CNTN5: variants seen among roughly 807,000 people sequenced by gnomAD.
CNTN5 encodes contactin 5, also known as contactin-5.
Under a neutral mutation model 129.1 loss-of-function variants are expected in CNTN5, and 77 were observed. That is an observed-to-expected ratio of 0.60 (90% CI 0.50 to 0.72). The LOEUF is 0.72. Ranked by LOEUF, CNTN5 falls within the 30% of genes least tolerant of loss-of-function variation. The probability of loss-of-function intolerance (pLI) is 0.00; values close to 1 mark genes in which losing one functional copy is unlikely to be tolerated. For synonymous variants in CNTN5, 509 were observed against 465.6 expected (o/e 1.09, Z -1.20); for missense variants, 1,478 against 1,328.8 (o/e 1.11, Z -1.75).
chr11:99,378,837 T>C (rs1241994108), intron 2 of CNTN5, among the ~76,000 whole-genome samples: 2 of 152,100 alleles, frequency 1.3e-5, no homozygotes, highest in Non-Finnish European at 2.9e-5. Flanking sequence ...ACAAACAGTA[T>C]GATATACACT....
At chr11:99,871,776 T>C (rs543580729) in intron 6 of CNTN5, among the ~76,000 whole-genome samples, 1 of 152,224 alleles carries the variant, frequency 6.6e-6, no homozygotes, top group South Asian at 2.1e-4. Context: ...AAGAAGTCTA[T>C]GTTTAAATGC....
At chr11:99,112,786 T>C (rs1035432344) in intron 1 of CNTN5, among the ~76,000 whole-genome samples, 3 of 152,202 alleles carry the variant, frequency 2.0e-5, no homozygotes, top group South Asian at 4.1e-4. Context: ...AACTTACTAA[T>C]GTTTAGCAGA....
At chr11:99,029,673 A>G (rs760085596) in intron 1 of CNTN5, among the ~76,000 whole-genome samples, 2 of 152,122 alleles carry the variant, frequency 1.3e-5, no homozygotes, top group Non-Finnish European at 2.9e-5. Flanking sequence ...GCAAAGAGAG[A>G]GGTTAAAAAT....
At chr11:99,129,454 G>A (rs57826929) in intron 1 of CNTN5, among the ~76,000 whole-genome samples, 26,295 of 152,004 alleles carry the variant, frequency 0.17, 2,716 homozygotes, top group East Asian at 0.41. Context: ...TGAGAACTAT[G>A]GGACTATGTA....
chr11:99,560,763 A>G (rs536036721), intron 3 of CNTN5, among the ~76,000 whole-genome samples: 79 of 152,292 alleles, frequency 5.2e-4, no homozygotes, highest in African/African-American at 1.8e-3. Context: ...ATAAACATGT[A>G]TACTGGAACA....
chr11:99,835,584 C>T (rs1412894460), intron 4 of CNTN5, among the ~76,000 whole-genome samples: 3 of 152,156 alleles, frequency 2.0e-5, no homozygotes, highest in African/African-American at 7.2e-5. Context: ...CAGCAGCACC[C>T]ATACAACATA....
At chr11:99,241,664 A>T (rs1189414827) in intron 1 of CNTN5, among the ~76,000 whole-genome samples, 1 of 152,060 alleles carries the variant, frequency 6.6e-6, no homozygotes, top group Non-Finnish European at 1.5e-5. Flanking sequence ...GTCCTTAATC[A>T]TATGTTCCTT....
intron 2 of CNTN5, among the ~76,000 whole-genome samples, chr11:99,454,858 A>C (rs756710435): frequency 6.6e-6 from 1 of 152,088 alleles, no homozygotes; most frequent in African/African-American, 2.4e-5. Context: ...TATAAATCAC[A>C]GTCTATCTGT....
intron 3 of CNTN5, among the ~76,000 whole-genome samples, chr11:99,612,394 T>G (rs776133916): frequency 2.6e-5 from 4 of 152,186 alleles, no homozygotes; most frequent in Non-Finnish European, 5.9e-5. Flanking sequence ...GACCCCATCT[T>G]CCTCTTACGT....
intron 2 of CNTN5, among the ~76,000 whole-genome samples, chr11:99,340,039 C>A (rs1008982736): frequency 6.6e-6 from 1 of 151,958 alleles, no homozygotes; most frequent in Non-Finnish European, 1.5e-5. Context: ...ACATTTTAAG[C>A]AATTATTGAT....
chr11:100,048,856 A>C (rs1262460520), intron 9 of CNTN5, among the ~76,000 whole-genome samples: 1 of 152,150 alleles, frequency 6.6e-6, no homozygotes, highest in Non-Finnish European at 1.5e-5. Flanking sequence ...AAATATAAAC[A>C]GGGTAAAAAC....
At chr11:99,462,900 C>A (rs1029835860) in intron 2 of CNTN5, among the ~76,000 whole-genome samples, 3 of 151,950 alleles carry the variant, frequency 2.0e-5, no homozygotes, top group African/African-American at 4.8e-5. Flanking sequence ...GCCGGATAAA[C>A]ACGGTGAAAC....
At chr11:100,343,829 G>T (rs1159327586) in intron 23 of CNTN5, among the ~76,000 whole-genome samples, 2 of 151,994 alleles carry the variant, frequency 1.3e-5, no homozygotes, top group Non-Finnish European at 2.9e-5. Flanking sequence ...AAAAATTACT[G>T]CCAACCAAGA....
chr11:99,065,986 G>A (rs1865086056), intron 1 of CNTN5, among the ~76,000 whole-genome samples: 1 of 140,848 alleles, frequency 7.1e-6, no homozygotes, highest in South Asian at 2.3e-4. Flanking sequence ...CTGCTCATTA[G>A]TGACTGTGGA....
At chr11:99,514,032 T>A (rs1039336941) in intron 2 of CNTN5, among the ~76,000 whole-genome samples, 2 of 152,142 alleles carry the variant, frequency 1.3e-5, no homozygotes, top group African/African-American at 4.8e-5. Context: ...TATTTGTTAT[T>A]CATGGAAGAA....
At chr11:99,576,912 G>A (rs1023126487) in intron 3 of CNTN5, among the ~76,000 whole-genome samples, 1 of 152,116 alleles carries the variant, frequency 6.6e-6, no homozygotes, top group African/African-American at 2.4e-5. Flanking sequence ...GGGGGATTAA[G>A]ATTTGAGGGT....
At chr11:99,206,566 TTGTGTA>T (rs139893747) in intron 1 of CNTN5, among the ~76,000 whole-genome samples, 21,077 of 151,912 alleles carry the variant, frequency 0.14, 1,522 homozygotes, top group African/African-American at 0.17. Context: ...ATTAGTGTGT[TTGTGTA>T]TGTGTATGTG....
At chr11:99,296,799 C>A (rs1308365040) in intron 1 of CNTN5, among the ~76,000 whole-genome samples, 1 of 152,130 alleles carries the variant, frequency 6.6e-6, no homozygotes. Flanking sequence ...TTTAAAATTT[C>A]TTATTACCCG....
At chr11:100,114,257 G>T (rs1227876757) in intron 13 of CNTN5, among the ~76,000 whole-genome samples, 1 of 152,000 alleles carries the variant, frequency 6.6e-6, no homozygotes, top group Non-Finnish European at 1.5e-5. Context: ...TCTTAAGGTT[G>T]TTTCTGTGGG....
Sources: allele counts gnomAD v4.1 joint callset (sites outside exome capture counted in the v4.1 genomes callset), GRCh38; gene constraint gnomAD v4.1.1; transcripts MANE v1.5; gene names NCBI Gene and HGNC (gene_info 2026-07-23, HGNC 2026-07-21).